The following PCDHGA12 variants were observed in gnomAD, a reference collection of about 807,000 sequenced individuals.
PCDHGA12 encodes protocadherin gamma-A12.
Under a neutral mutation model 61.1 loss-of-function variants are expected in PCDHGA12, and 43 were observed. The ratio of observed to expected loss-of-function variants is 0.70; its 90% CI spans 0.55 to 0.91. PCDHGA12 has a LOEUF of 0.91. Among genes scored for constraint, PCDHGA12 ranks in the 40% least tolerant of loss-of-function variants. PCDHGA12 has a pLI of 0.00. For missense variants in PCDHGA12, 1,236 were observed against 1,227.7 expected (o/e 1.01, Z -0.10); for synonymous variants, 520 against 542.9 (o/e 0.96, Z 0.59).
At chr5:141,508,815 C>T (rs1190983144) in intron 3 of PCDHGA12, among the ~76,000 whole-genome samples, 1 of 152,138 alleles carries the variant, frequency 6.6e-6, no homozygotes, top group East Asian at 1.9e-4. Context: ...TCTTTGAAGC[C>T]AGATCTGGGC....
chr5:141,443,104 C>A (rs950011995), intron 1 of PCDHGA12, among the ~76,000 whole-genome samples: 1 of 151,854 alleles, frequency 6.6e-6, no homozygotes, highest in East Asian at 1.9e-4. Flanking sequence ...TCAAGCTGAA[C>A]CTTGCTTTTC....
intron 1 of PCDHGA12, 143 bp from the exon 2 acceptor site, chr5:141,494,664 A>T: frequency 6.7e-7 from 1 of 1,500,298 alleles, no homozygotes; most frequent in Non-Finnish European, 8.9e-7. Flanking sequence ...GTCTTTGGAG[A>T]TGAGTCCACC....
chr5:141,455,343 G>A (rs1462807460), intron 1 of PCDHGA12, among the ~76,000 whole-genome samples: 1 of 152,036 alleles, frequency 6.6e-6, no homozygotes, highest in African/African-American at 2.4e-5. Flanking sequence ...TTTAAGGAGC[G>A]GAGAGTTTAA....
intron 3 of PCDHGA12, among the ~76,000 whole-genome samples, chr5:141,508,943 CAG>C (rs1562237475): frequency 1.3e-5 from 2 of 151,982 alleles, no homozygotes; most frequent in Admixed American, 6.6e-5. Context: ...TTAGGGAAAA[CAG>C]AGAAATGTCA....
chr5:141,506,294 C>T (rs1165174121), intron 3 of PCDHGA12, among the ~76,000 whole-genome samples: 1 of 151,888 alleles, frequency 6.6e-6, no homozygotes, highest in African/African-American at 2.4e-5. Context: ...ACTAAAAATA[C>T]AAAAATTAGC....
At chr5:141,455,075 G>A (rs1050636999) in intron 1 of PCDHGA12, among the ~76,000 whole-genome samples, 2 of 151,830 alleles carry the variant, frequency 1.3e-5, no homozygotes, top group African/African-American at 4.8e-5. Context: ...GCCTCCCAAA[G>A]TGCTGGGATT....
intron 1 of PCDHGA12, among the ~76,000 whole-genome samples, chr5:141,456,854 T>C (rs924765803): frequency 7.2e-5 from 11 of 151,950 alleles, no homozygotes; most frequent in Non-Finnish European, 1.3e-4. Context: ...TCCCAGCTAA[T>C]TGGGAGGCTG....
Position 141,430,938 on chromosome 5 carries a change from C to A in PCDHGA12, c.179C>A (p.Ala60Glu). 6.2e-7 allele frequency: 1 copy of A among 1,607,082 alleles called. No homozygotes were observed. The highest frequency in any genetic ancestry group is 8.5e-7 in the Non-Finnish European group (1 of 1,177,230). Reference protein sequence around the residue: ...RDLGLEPRELAERGVRIIPRG... With the variant: ...RDLGLEPRELEERGVRIIPRG... ...CTGGGGCTGGAGCCCCGGGAGCTCG[C>A]GGAGCGCGGAGTCCGCATCATCCCC... Residue 60 changes from alanine to glutamate, a missense_variant, in exon 1 of 4, where the codon GCG (alanine) becomes GAG (glutamate). Coordinates refer to ENST00000252085, the MANE Select transcript of PCDHGA12 (RefSeq NM_003735.3).
At chr5:141,501,127 T>C (rs2099805755) in intron 2 of PCDHGA12, among the ~76,000 whole-genome samples, 5 of 152,024 alleles carry the variant, frequency 3.3e-5, no homozygotes, top group Non-Finnish European at 7.4e-5. Context: ...TCAGCCTCCC[T>C]AAGTGCTGGG....
In PCDHGA12 at chr5:141,491,722, C is replaced by T. The variant is rs1276921909; in HGVS notation, c.2425-3085C>T. ...CCAGGTGAGGGGCTCGGCGCCGCCC[C>T]GGGCGACCCCTGGGGGCGGCACTGG... On this transcript the variant is annotated intron_variant, in intron 1 of 3. Coordinates refer to ENST00000252085, the MANE Select transcript of PCDHGA12 (RefSeq NM_003735.3). This position sits in a 1 kb window ranked among gnomAD's most constrained non-coding sequence, Gnocchi z 6.9. The T allele has an allele frequency of 6.2e-7, 1 of 1,607,004 alleles. No homozygotes were observed.
At chr5:141,469,259 A>G (rs1263722797) in intron 1 of PCDHGA12, among the ~76,000 whole-genome samples, 1 of 151,822 alleles carries the variant, frequency 6.6e-6, no homozygotes, top group Admixed American at 6.6e-5. Flanking sequence ...CTTGGGCAAC[A>G]GAGCAAGACC....
At chr5:141,448,000 C>T (rs1363676731) in intron 1 of PCDHGA12, among the ~76,000 whole-genome samples, 3 of 151,840 alleles carry the variant, frequency 2.0e-5, no homozygotes, top group Non-Finnish European at 4.4e-5. Flanking sequence ...GCATGAGAAT[C>T]GCTTGAACCC....
At chr5:141,451,179 T>C (rs1039062167) in intron 1 of PCDHGA12, among the ~76,000 whole-genome samples, 6 of 152,162 alleles carry the variant, frequency 3.9e-5, no homozygotes, top group Non-Finnish European at 8.8e-5. Flanking sequence ...TATTTAGCCA[T>C]TGCTGTGTAA....
chr5:141,486,505 T>C lies in PCDHGA12; in HGVS notation c.2425-8302T>C. The C allele has an allele frequency of 6.2e-7, 1 of 1,614,156 alleles. No individual in the cohort carries two copies. ...GTACCCACAGAACTATTTTCCTCAA[T>C]ATTTCAGATGTGAATGATAATCCAC... is the stretch of plus-strand genomic sequence containing the variant. On this transcript the variant is annotated intron_variant, in intron 1 of 3. Coordinates refer to ENST00000252085, the MANE Select transcript of PCDHGA12 (RefSeq NM_003735.3). The surrounding 1 kb of genome is among the most constrained non-coding windows in gnomAD (Gnocchi z 5.0).
At chr5:141,450,982 A>G (rs746572732) in intron 1 of PCDHGA12, among the ~76,000 whole-genome samples, 18 of 151,360 alleles carry the variant, frequency 1.2e-4, no homozygotes, top group Non-Finnish European at 1.9e-4. Context: ...GTGCCACCAC[A>G]CCCGGCTAAT....
intron 1 of PCDHGA12, among the ~76,000 whole-genome samples, chr5:141,457,253 T>C (rs986838327): frequency 1.4e-4 from 22 of 152,196 alleles, no homozygotes; most frequent in Admixed American, 1.4e-3. Flanking sequence ...CTTGCCAACA[T>C]ATAGAATTCC....
chr5:141,505,591 G>C (rs2099846959), intron 3 of PCDHGA12, 110 bp downstream of exon 3: 2 of 1,570,280 alleles, frequency 1.3e-6, no homozygotes, highest in African/African-American at 2.7e-5. Flanking sequence ...AGTTTCTCCA[G>C]ATCTTTCGGC....
intron 3 of PCDHGA12, among the ~76,000 whole-genome samples, chr5:141,507,714 C>T (rs1425955843): frequency 6.6e-6 from 1 of 152,280 alleles, no homozygotes; most frequent in Non-Finnish European, 1.5e-5. Flanking sequence ...GCCCCAAACC[C>T]TCCAAGCAAG....
At position 141,490,982 on chromosome 5, in the gene PCDHGA12, G is replaced by T; in HGVS notation, c.2425-3825G>T. ...CACTCAGCCCCCCAGCGTCTCCCTC[G>T]CTCTGCTCCTCCTGGCTCCTTGGTC... On this transcript the variant is annotated intron_variant, in intron 1 of 3. Coordinates refer to ENST00000252085, the MANE Select transcript of PCDHGA12 (RefSeq NM_003735.3). This position sits in a 1 kb window ranked among gnomAD's most constrained non-coding sequence, Gnocchi z 5.4. 1.2e-6 allele frequency: 2 copies of T among 1,613,994 alleles called. No individual in the cohort carries two copies. The highest frequency in any genetic ancestry group is 1.7e-6 in the Non-Finnish European group (2 of 1,180,002).
Sources: gnomAD v4.1 joint callset for allele counts (sites outside exome capture counted in the v4.1 genomes callset) on GRCh38, gnomAD v4.1.1 for gene constraint, Gnocchi (gnomAD v3.1) non-coding constraint, MANE v1.5 for transcripts, NCBI Gene and HGNC (gene_info 2026-07-23, HGNC 2026-07-21) for gene names.